NRG3: variants seen among roughly 807,000 people sequenced by gnomAD.
NRG3 encodes the protein neuregulin 3.
A neutral mutation model predicts 66.9 loss-of-function variants in NRG3; 31 were observed. The ratio of observed to expected loss-of-function variants is 0.46; its 90% confidence interval spans 0.35 to 0.63. The LOEUF is 0.63. Ranked by LOEUF, NRG3 falls within the 20% of genes least tolerant of loss-of-function variation. The probability of loss-of-function intolerance (pLI) is 0.00; values close to 1 mark genes in which losing one functional copy is unlikely to be tolerated. For missense variants in NRG3, 910 were observed against 878.9 expected (o/e 1.04, Z -0.45); for synonymous variants, 393 against 359.4 (o/e 1.09, Z -1.06).
At chr10:82,123,254 A>T (rs1299203736) in intron 1 of NRG3, among the ~76,000 whole-genome samples, 1 of 152,028 alleles carries the variant, frequency 6.6e-6, no homozygotes, top group African/African-American at 2.4e-5. Context: ...TCAACAGATA[A>T]AAATACTAGT....
In NRG3 at chr10:82,985,200, C is replaced by A. The variant is rs776504016; in HGVS notation, c.1686C>A (p.Asp562Glu). 1 of 1,614,060 alleles carries A rather than the reference C, an allele frequency of 6.2e-7. No individual in the cohort carries two copies. ...NPYFNSLEQK[D>E]LVGYSSTRAS... ...ATTTTAATAGCTTGGAGCAAAAGGACCTGGTGGGCTATTCATCCACAAGGG... is the reference window on the plus strand; with the variant it reads ...ATTTTAATAGCTTGGAGCAAAAGGAACTGGTGGGCTATTCATCCACAAGGG... Residue 562 changes from aspartate to glutamate, a missense_variant, in exon 9 of 9, where the codon GAC becomes GAA. Transcript: ENST00000372141.
At chr10:81,886,244 T>C (rs1227049866) in intron 1 of NRG3, among the ~76,000 whole-genome samples, 1 of 152,192 alleles carries the variant, frequency 6.6e-6, no homozygotes, top group Non-Finnish European at 1.5e-5. Context: ...GTAGCACTTC[T>C]GTCTTAACCA....
chr10:82,061,872 A>ATCTCTCTCTC (rs1564782372), intron 1 of NRG3, among the ~76,000 whole-genome samples: 8 of 127,710 alleles, frequency 6.3e-5, no homozygotes, highest in African/African-American at 2.0e-4. Flanking sequence ...CACACACACA[A>ATCTCTCTCTC]ACACACACAC....
chr10:82,358,959 C>T lies in NRG3; in HGVS notation c.953+91C>T, dbSNP rs551229180. 1,652 of 1,550,730 alleles carry T rather than the reference C, an allele frequency of 1.1e-3. 26 individuals are homozygous for T. In the South Asian group the frequency reaches 0.017, roughly 16 times the overall value. ...GGCAGCATCTGGTATGTGTCATATC[C>T]GGGATACACACAGTCCCACCGTTTG... On this transcript the variant is annotated intron_variant, in intron 2 of 8. Transcript: ENST00000372141.
intron 1 of NRG3, among the ~76,000 whole-genome samples, chr10:81,912,119 T>C (rs889760294): frequency 6.6e-6 from 1 of 152,198 alleles, no homozygotes; most frequent in African/African-American, 2.4e-5. Flanking sequence ...TTTTCACATT[T>C]TTTTCTTTTA....
intron 2 of NRG3, among the ~76,000 whole-genome samples, chr10:82,685,038 A>T (rs923771806): frequency 4.6e-5 from 7 of 152,158 alleles, no homozygotes; most frequent in African/African-American, 1.7e-4. Flanking sequence ...CAAGTCATCT[A>T]CGAAGTAAGA....
intron 4 of NRG3, among the ~76,000 whole-genome samples, chr10:82,878,122 T>C (rs1207821314): frequency 6.6e-6 from 1 of 151,994 alleles, no homozygotes; most frequent in Non-Finnish European, 1.5e-5. Flanking sequence ...AGTTAGTAGC[T>C]GGAGAAAGGA....
intron 2 of NRG3, among the ~76,000 whole-genome samples, chr10:82,408,094 A>AGAAG (rs1564888195): frequency 3.0e-5 from 3 of 100,154 alleles, no homozygotes; most frequent in African/African-American, 7.5e-5. Context: ...ACAGAAAGAA[A>AGAAG]GAAAGAAAGA....
intron 3 of NRG3, among the ~76,000 whole-genome samples, chr10:82,813,782 G>C (rs966041314): frequency 8.5e-5 from 13 of 152,238 alleles, no homozygotes; most frequent in Non-Finnish European, 1.6e-4. Flanking sequence ...AAAAATCATT[G>C]ACAAATCAAA....
intron 1 of NRG3, among the ~76,000 whole-genome samples, chr10:82,009,492 A>T (rs1412097125): frequency 6.6e-6 from 1 of 152,208 alleles, no homozygotes; most frequent in Non-Finnish European, 1.5e-5. Flanking sequence ...CACTGAGGGC[A>T]GAGATGCTTC....
intron 1 of NRG3, among the ~76,000 whole-genome samples, chr10:82,355,222 T>C (rs1005175353): frequency 4.6e-5 from 7 of 152,230 alleles, no homozygotes; most frequent in African/African-American, 1.7e-4. Flanking sequence ...TCATAACTTT[T>C]ATAGTTTGGC....
intron 2 of NRG3, among the ~76,000 whole-genome samples, chr10:82,498,581 A>C (rs1454499401): frequency 6.6e-6 from 1 of 152,152 alleles, no homozygotes; most frequent in African/African-American, 2.4e-5. Flanking sequence ...AAATTTAGTG[A>C]GTTCATTACA....
chr10:81,998,738 A>C (rs2061045822), intron 1 of NRG3, among the ~76,000 whole-genome samples: 1 of 152,210 alleles, frequency 6.6e-6, no homozygotes, highest in African/African-American at 2.4e-5. Context: ...AAACATCATG[A>C]GAAATAAGTC....
intron 1 of NRG3, among the ~76,000 whole-genome samples, chr10:82,015,911 A>G (rs1228538583): frequency 6.6e-6 from 1 of 151,630 alleles, no homozygotes; most frequent in Admixed American, 6.6e-5. Flanking sequence ...AATGATGAAC[A>G]TGAAGCCAGG....
intron 2 of NRG3, among the ~76,000 whole-genome samples, chr10:82,462,420 C>T (rs1338398180): frequency 6.6e-6 from 1 of 151,798 alleles, no homozygotes; most frequent in Non-Finnish European, 1.5e-5. Context: ...TTATATTACT[C>T]ATAAGAAATT....
chr10:82,320,253 C>A (rs2081497544), intron 1 of NRG3, among the ~76,000 whole-genome samples: 2 of 152,136 alleles, frequency 1.3e-5, no homozygotes, highest in South Asian at 2.1e-4. Flanking sequence ...GTGACCAGGG[C>A]AGTTTACAGA....
At chr10:82,777,932 C>G (rs1178408442) in intron 3 of NRG3, among the ~76,000 whole-genome samples, 1 of 152,186 alleles carries the variant, frequency 6.6e-6, no homozygotes. Context: ...GATGCCTCAG[C>G]AGTTCAGATT....
chr10:82,435,598 C>T (rs2090086045), intron 2 of NRG3, among the ~76,000 whole-genome samples: 1 of 152,010 alleles, frequency 6.6e-6, no homozygotes, highest in Non-Finnish European at 1.5e-5. Context: ...CTATATATTT[C>T]CCTCTTAACA....
chr10:82,160,555 G>A (rs758289980), intron 1 of NRG3, among the ~76,000 whole-genome samples: 20 of 151,830 alleles, frequency 1.3e-4, no homozygotes, highest in Non-Finnish European at 2.7e-4. Context: ...GCCCAGGCTA[G>A]AGTGCAGTGG....
Sources: allele counts gnomAD v4.1 joint callset (sites outside exome capture counted in the v4.1 genomes callset), GRCh38; gene constraint gnomAD v4.1.1; transcripts MANE v1.5; gene names NCBI Gene and HGNC (gene_info 2026-07-23, HGNC 2026-07-21).